Variants in PPP2R5E observed in about 807,000 individuals in gnomAD.
The protein encoded by PPP2R5E is serine/threonine-protein phosphatase 2A 56 kDa regulatory subunit epsilon isoform.
A neutral mutation model predicts 65.3 loss-of-function variants in PPP2R5E; 4 were observed. That is an observed-to-expected ratio of 0.06 (90% CI 0.03 to 0.14). PPP2R5E has a LOEUF of 0.14. Ranked by LOEUF, PPP2R5E falls within the 10% of genes least tolerant of loss-of-function variation. The pLI is 1.00. For missense variants in PPP2R5E, 274 were observed against 556.1 expected (o/e 0.49, Z 5.10); for synonymous variants, 183 against 187.4 (o/e 0.98, Z 0.19).
rs1883946037 is a variant in PPP2R5E at position 63,375,664 on chromosome 14, T to C, written c.*345A>G. 1 of 166,524 alleles carries C rather than the reference T, an allele frequency of 6.0e-6. No individual in the cohort carries two copies. The highest frequency in any genetic ancestry group is 2.4e-5 in the African/African-American group (1 of 42,082). The allele number at this position is 166,524 out of a possible 1,614,324, so 10.3% of individuals were successfully genotyped here. ...AGATTGTTCACATTTGAAAATTGTA[T>C]CATACTCTCTGCTAGTGATAAATAA... is the stretch of plus-strand genomic sequence containing the variant. On this transcript the variant is annotated 3_prime_UTR_variant, in exon 14 of 14. Transcript: ENST00000337537.
intron 5 of PPP2R5E, among the ~76,000 whole-genome samples, chr14:63,402,009 G>A (rs566508263): frequency 1.3e-5 from 2 of 152,310 alleles, no homozygotes; most frequent in East Asian, 3.9e-4. Context: ...GTGGTGTATT[G>A]ATGATTTACA....
chr14:63,531,021 A>G (rs1294338034), intron 2 of PPP2R5E, among the ~76,000 whole-genome samples: 5 of 152,236 alleles, frequency 3.3e-5, no homozygotes, highest in Non-Finnish European at 7.3e-5. Flanking sequence ...CTAAAAGTGA[A>G]TGAAATTATC....
At chr14:63,487,273 T>C (rs1258417786) in intron 2 of PPP2R5E, among the ~76,000 whole-genome samples, 1 of 152,208 alleles carries the variant, frequency 6.6e-6, no homozygotes, top group Non-Finnish European at 1.5e-5. Context: ...TTAGCTCAAG[T>C]TGTTAAGACA....
chr14:63,432,620 G>A (rs1411487611), intron 3 of PPP2R5E, among the ~76,000 whole-genome samples: 3 of 152,126 alleles, frequency 2.0e-5, no homozygotes, highest in Admixed American at 2.0e-4. Context: ...CCTGTGGCAT[G>A]TTCATCAGAA....
At chr14:63,382,222 A>G (rs1421991059) in intron 12 of PPP2R5E, 65 bp from the exon 13 acceptor site, 6 of 1,248,984 alleles carry the variant, frequency 4.8e-6, no homozygotes, top group Non-Finnish European at 6.9e-6. Flanking sequence ...TGAATGAAGA[A>G]AGCAAAAGCA....
At chr14:63,528,060 T>C (rs556413064) in intron 2 of PPP2R5E, among the ~76,000 whole-genome samples, 1 of 151,304 alleles carries the variant, frequency 6.6e-6, no homozygotes, top group African/African-American at 2.4e-5. Context: ...TAAGATTCCA[T>C]ATAAGTTTTC....
chr14:63,535,839 A>G (rs1433620667), intron 2 of PPP2R5E, among the ~76,000 whole-genome samples: 2 of 152,332 alleles, frequency 1.3e-5, no homozygotes, highest in East Asian at 3.9e-4. Context: ...GCATGCATAT[A>G]GTGTTTATCC....
At chr14:63,542,600 A>C (rs569260458) in intron 1 of PPP2R5E, among the ~76,000 whole-genome samples, 179 bp downstream of exon 1, 1 of 152,182 alleles carries the variant, frequency 6.6e-6, no homozygotes, top group East Asian at 1.9e-4. Flanking sequence ...GTATCATCAG[A>C]AGCATTTGTA....
chr14:63,389,587 G>T (rs1378746118), intron 11 of PPP2R5E, 25 bp downstream of exon 11: 1 of 1,577,422 alleles, frequency 6.3e-7, no homozygotes, highest in East Asian at 2.3e-5. Flanking sequence ...CATGCTCCCT[G>T]GCTCATGTCC....
intron 1 of PPP2R5E, among the ~76,000 whole-genome samples, chr14:63,542,106 C>T (rs1428051806): frequency 6.6e-6 from 1 of 152,124 alleles, no homozygotes; most frequent in Non-Finnish European, 1.5e-5. Flanking sequence ...CTTCTTTATT[C>T]CTTATCTCTC....
Position 63,421,384 on chromosome 14 carries a change from G to A in PPP2R5E, c.456+609C>T, listed in dbSNP as rs112037942. On this transcript the variant is annotated intron_variant, in intron 4 of 13. Coordinates refer to ENST00000337537, the MANE Select transcript of PPP2R5E (RefSeq NM_006246.5). ...TTAATACAATACAGATGGCTCTAAT[G>A]CTGGAAACAGAGATGCAGTGATGCC... 1.1e-3 allele frequency among the ~76,000 whole-genome samples: 174 copies of A among 152,254 alleles called. 4 individuals are homozygous for A. Among genetic ancestry groups the A allele is most frequent in the African/African-American group, 4.1e-3 (170 of 41,536 alleles).
intron 2 of PPP2R5E, among the ~76,000 whole-genome samples, chr14:63,482,474 C>A (rs962622363): frequency 2.0e-4 from 31 of 151,414 alleles, no homozygotes; most frequent in South Asian, 4.2e-4. Flanking sequence ...ACAACAACAA[C>A]AAAAAAAAAC....
chr14:63,498,147 T>A lies in PPP2R5E; in HGVS notation c.157+41382A>T, dbSNP rs180757474. On this transcript the variant is annotated intron_variant, in intron 2 of 13. Coordinates refer to ENST00000337537, the MANE Select transcript of PPP2R5E (RefSeq NM_006246.5). Reference sequence around the variant, plus strand: ...TAATTTAGAGAGCTTTTTCAGGTAGTATCAACCAAGTCTTGAGGGATTTTT... The same window carrying A: ...TAATTTAGAGAGCTTTTTCAGGTAGAATCAACCAAGTCTTGAGGGATTTTT... 1.9e-3 allele frequency among the ~76,000 whole-genome samples: 297 copies of A among 152,310 alleles called. 2 individuals carry two copies. The highest frequency in any genetic ancestry group is 5.9e-3 in the Admixed American group (91 of 15,296).
chr14:63,483,415 T>G (rs1347066709), intron 2 of PPP2R5E, among the ~76,000 whole-genome samples: 2 of 137,476 alleles, frequency 1.5e-5, no homozygotes, highest in South Asian at 4.3e-4. Context: ...GAGCCAACTC[T>G]TGAGAGAGCA....
At chr14:63,432,188 C>A (rs1291378655) in intron 3 of PPP2R5E, among the ~76,000 whole-genome samples, 1 of 151,820 alleles carries the variant, frequency 6.6e-6, no homozygotes, top group Non-Finnish European at 1.5e-5. Context: ...ATTTATATTT[C>A]CTGCATCAAG....
At chr14:63,381,190 A>G (rs1321360612) in intron 13 of PPP2R5E, among the ~76,000 whole-genome samples, 1 of 152,240 alleles carries the variant, frequency 6.6e-6, no homozygotes, top group East Asian at 1.9e-4. Flanking sequence ...ATTTATTGCA[A>G]AGAGTTCCAC....
chr14:63,526,434 C>T (rs969831018), intron 2 of PPP2R5E, among the ~76,000 whole-genome samples: 3 of 152,174 alleles, frequency 2.0e-5, no homozygotes, highest in African/African-American at 7.2e-5. Flanking sequence ...AAGTTATATT[C>T]TCTGATAGAA....
intron 2 of PPP2R5E, among the ~76,000 whole-genome samples, chr14:63,526,606 T>G (rs1479100224): frequency 1.3e-5 from 2 of 152,098 alleles, no homozygotes; most frequent in Non-Finnish European, 2.9e-5. Flanking sequence ...CAAGCTGGAG[T>G]GCAGCAGCAT....
chr14:63,428,239 A>G (rs1239608825), intron 3 of PPP2R5E, among the ~76,000 whole-genome samples: 1 of 152,034 alleles, frequency 6.6e-6, no homozygotes, highest in Non-Finnish European at 1.5e-5. Context: ...TGTCTCCCCC[A>G]GTTAGATTTT....
Sources: gnomAD v4.1 joint callset for allele counts (sites outside exome capture counted in the v4.1 genomes callset) on GRCh38, gnomAD v4.1.1 for gene constraint, MANE v1.5 for transcripts, NCBI Gene and HGNC (gene_info 2026-07-23, HGNC 2026-07-21) for gene names.